The following SEC23B variants were observed in gnomAD, a reference collection of about 807,000 sequenced individuals.
SEC23B encodes SEC23 homolog B, COPII component.
A neutral mutation model predicts 104.3 loss-of-function variants in SEC23B; 77 were observed. The ratio of observed to expected loss-of-function variants is 0.74; its 90% confidence interval spans 0.61 to 0.89. The LOEUF (loss-of-function observed/expected upper bound fraction) is 0.89. SEC23B is among the 40% of genes least tolerant of loss of function. SEC23B has a pLI of 0.00. For missense variants in SEC23B, 885 were observed against 949.4 expected, an observed-to-expected ratio of 0.93 and a Z score of 0.89; for synonymous variants, 338 against 332.5, an observed-to-expected ratio of 1.02 and a Z score of -0.18.
intron 9 of SEC23B, among the ~76,000 whole-genome samples, chr20:18,529,748 C>T (rs1423533448): frequency 6.6e-6 from 1 of 152,202 alleles, no homozygotes; most frequent in Admixed American, 6.5e-5. Flanking sequence ...ATAGGCAAGG[C>T]AGGCTGGAAA....
chr20:18,514,415 GCT>G (rs1344868550), intron 3 of SEC23B, among the ~76,000 whole-genome samples: 1 of 152,134 alleles, frequency 6.6e-6, no homozygotes, highest in African/African-American at 2.4e-5. Flanking sequence ...TCTTCTGCTG[GCT>G]CTGACTGAGA....
intron 12 of SEC23B, among the ~76,000 whole-genome samples, chr20:18,539,035 C>G (rs1239574365): frequency 7.5e-6 from 1 of 133,512 alleles, no homozygotes; most frequent in Admixed American, 7.9e-5. Context: ...GAAACCCCGT[C>G]TCTACTAAAA....
chr20:18,550,190 T>G (rs977566256), intron 16 of SEC23B, among the ~76,000 whole-genome samples: 2 of 147,694 alleles, frequency 1.4e-5, no homozygotes, highest in Non-Finnish European at 3.0e-5. Flanking sequence ...ATGGGGTGTC[T>G]GTCACCCAGG....
chr20:18,536,925 A>C (rs1416507243), intron 12 of SEC23B, among the ~76,000 whole-genome samples: 1 of 152,222 alleles, frequency 6.6e-6, no homozygotes, highest in African/African-American at 2.4e-5. Context: ...AATGAACATC[A>C]CAAAGTCTTC....
Position 18,515,814 on chromosome 20 carries a change from T to C in SEC23B, c.366+78T>C. The C allele has an allele frequency of 4.2e-6, 4 of 951,144 alleles. No homozygotes were observed. The South Asian group carries it at 5.2e-5, about 12-fold the overall frequency. 58.9% of individuals were successfully genotyped at this position (951,144 alleles called of 1,614,324 possible). On this transcript the variant is annotated intron_variant, in intron 4 of 19. Transcript: ENST00000650089. ...TGAAATCCTTTGTCTTCCATGTCTC[T>C]TACCTGGGCAGGGGACTTAAAGCTG...
chr20:18,546,468 T>C (rs1443653803), intron 15 of SEC23B, among the ~76,000 whole-genome samples: 1 of 152,142 alleles, frequency 6.6e-6, no homozygotes, highest in Non-Finnish European at 1.5e-5. Flanking sequence ...GAGTGAGCAA[T>C]AAGCAGCTCC....
At chr20:18,520,240 A>C (rs1439079938) in intron 4 of SEC23B, among the ~76,000 whole-genome samples, 1 of 152,170 alleles carries the variant, frequency 6.6e-6, no homozygotes, top group Admixed American at 6.5e-5. Context: ...TGGACAAGTA[A>C]AATGGGATTG....
Position 18,561,038 on chromosome 20 carries a change from G to A in SEC23B, c.*298G>A. ...ATGTATTTTGGCAGCTTGTTTAGGT[G>A]AGAATCTTAATGATCATAAAGGAAA... On this transcript the variant is annotated 3_prime_UTR_variant, in exon 20 of 20. Coordinates refer to ENST00000650089, the MANE Select transcript of SEC23B (RefSeq NM_006363.6). 2.6e-6 allele frequency: 1 copy of A among 378,026 alleles called. No individual in the cohort carries two copies. The highest frequency in any genetic ancestry group is 2.4e-5 in the South Asian group (1 of 41,754). 23.4% of individuals were successfully genotyped at this position (378,026 alleles called of 1,614,324 possible).
intron 16 of SEC23B, among the ~76,000 whole-genome samples, chr20:18,550,799 T>G (rs2060380333): frequency 6.6e-6 from 1 of 150,450 alleles, no homozygotes; most frequent in Admixed American, 6.7e-5. Context: ...TACTCCAGGC[T>G]GGGTAACAGA....
intron 12 of SEC23B, among the ~76,000 whole-genome samples, chr20:18,538,553 G>A (rs558112664): frequency 3.9e-5 from 6 of 152,058 alleles, no homozygotes; most frequent in East Asian, 1.9e-4. Flanking sequence ...ATGCCTGGCC[G>A]GAATTTCTTG....
At position 18,535,580 on chromosome 20, in the gene SEC23B, T is replaced by C. The variant is rs1219665041; in HGVS notation, c.1315-73T>C. On this transcript the variant is annotated intron_variant, in intron 11 of 19. Coordinates refer to ENST00000650089, the MANE Select transcript of SEC23B (RefSeq NM_006363.6). ...TAAGTAGCCTGCCCTACTCAGTCAG[T>C]ACTTTTCATTAGCAATTAACCACAG... 4 of 1,145,974 alleles carry C rather than the reference T, an allele frequency of 3.5e-6. No homozygotes were observed. The East Asian group carries it at 9.4e-5, about 27-fold the overall frequency. The allele number at this position is 1,145,974 out of a possible 1,614,324, so 71.0% of individuals were successfully genotyped here. A position where few individuals can be genotyped will look rare whatever the true frequency, so the allele number is the denominator to read the frequency against.
Position 18,560,911 on chromosome 20 carries a change from T to G in SEC23B, c.*171T>G. 1.6e-6 allele frequency: 1 copy of G among 631,662 alleles called. No individual in the cohort carries two copies. The highest frequency in any genetic ancestry group is 2.8e-6 in the Non-Finnish European group (1 of 352,990). The allele number at this position is 631,662 out of a possible 1,614,324, so 39.1% of individuals were successfully genotyped here. A position where few individuals can be genotyped will look rare whatever the true frequency, so the allele number is the denominator to read the frequency against. On this transcript the variant is annotated 3_prime_UTR_variant, in exon 20 of 20. Coordinates refer to ENST00000650089, the MANE Select transcript of SEC23B (RefSeq NM_006363.6). ...TTTGTATTCCTGTCTTTGTCCTTTT[T>G]CTTGCACTATAAAATTATAAGGTCA...
rs767961083 is a variant in SEC23B, at chr20:18,510,816, C to A, written c.-14-6C>A. Reference sequence around the variant, plus strand: ...ACCATTAAGGTAATTAAAGTTTTATCTTCAGTTCCCTTTTAGACTATGGCG... The same window carrying A: ...ACCATTAAGGTAATTAAAGTTTTATATTCAGTTCCCTTTTAGACTATGGCG... On this transcript the variant is annotated splice_region_variant and splice_polypyrimidine_tract_variant and intron_variant, in intron 1 of 19. Transcript: ENST00000650089. 5 of 1,602,930 alleles carry A rather than the reference C, an allele frequency of 3.1e-6. No individual in the cohort carries two copies. The African/African-American group carries it at 5.4e-5, about 17-fold the overall frequency.
rs186252888 is a variant in SEC23B at position 18,513,948 on chromosome 20, A to T, written c.279+1666A>T. On this transcript the variant is annotated intron_variant, in intron 3 of 19. Transcript: ENST00000650089. The stretch of plus-strand genomic sequence containing the variant: ...GTGCCTCAACTTCCTTGTCTTTAAA[A>T]TTAGGATGATAGTATAGTATACCTA... Among the ~76,000 whole-genome samples the T allele has an allele frequency of 1.1e-3, 167 of 152,322 alleles. 1 individual carries two copies. Among genetic ancestry groups the T allele is most frequent in the African/African-American group, 3.8e-3 (159 of 41,578 alleles).
At chr20:18,525,135 A>G (rs1377066696) in intron 6 of SEC23B, 115 bp downstream of exon 6, 1 of 1,008,666 alleles carries the variant, frequency 9.9e-7, no homozygotes, top group African/African-American at 1.6e-5. Flanking sequence ...AGAAAAAGAT[A>G]AATGATTAAG....
At chr20:18,524,104 C>T (rs1011075144) in intron 4 of SEC23B, among the ~76,000 whole-genome samples, 3 of 152,178 alleles carry the variant, frequency 2.0e-5, no homozygotes, top group East Asian at 1.9e-4. Flanking sequence ...TCCCCCTTAA[C>T]CTCTCCATTC....
Position 18,530,687 on chromosome 20 carries a change from A to C in SEC23B, c.1117A>C (p.Met373Leu), listed in dbSNP as rs17849992. Residue 373 changes from methionine (M) to leucine (L), a missense_variant, in exon 10 of 20, where the codon ATG (methionine) becomes CTG (leucine). Coordinates refer to ENST00000650089, the MANE Select transcript of SEC23B (RefSeq NM_006363.6). ...TTTTTTCTTCTTACCTAGAGGCTAC[A>C]TGGTAATGGGAGATTCTTTCAACAC... ...KCCANLTGGY[M>L]VMGDSFNTSL... The C allele has an allele frequency of 3.1e-6, 5 of 1,611,958 alleles. No individual in the cohort carries two copies. Among genetic ancestry groups the C allele is most frequent in the Non-Finnish European group, 3.4e-6 (4 of 1,178,128 alleles).
intron 10 of SEC23B, 26 bp downstream of exon 10, chr20:18,530,829 A>G (rs763358912): frequency 6.6e-7 from 1 of 1,511,754 alleles, no homozygotes; most frequent in Admixed American, 1.8e-5. Flanking sequence ...TTTTTTTTTT[A>G]TGTGGACTCA....
At chr20:18,560,499 A>T in intron 19 of SEC23B, 152 bp from the exon 20 acceptor site, 1 of 697,388 alleles carries the variant, frequency 1.4e-6, no homozygotes, top group Admixed American at 2.0e-5. Flanking sequence ...AGTCAAAAGA[A>T]GTTGTTCGTG....
Sources: gnomAD v4.1 joint callset for allele counts (sites outside exome capture counted in the v4.1 genomes callset) on GRCh38, gnomAD v4.1.1 for gene constraint, MANE v1.5 for transcripts, NCBI Gene and HGNC (gene_info 2026-07-23, HGNC 2026-07-21) for gene names.